Variants in MGAT4C observed in about 807,000 individuals in gnomAD.
MGAT4C encodes the protein MGAT4 family member C.
A neutral mutation model predicts 40.1 loss-of-function variants in MGAT4C; 19 were observed. That is an observed-to-expected ratio of 0.47 (90% CI 0.33 to 0.70). MGAT4C has a LOEUF of 0.70. Among genes scored for constraint, MGAT4C ranks in the 30% least tolerant of loss-of-function variants. The probability of loss-of-function intolerance (pLI) is 0.02; values close to 1 mark genes in which losing one functional copy is unlikely to be tolerated. For synonymous variants in MGAT4C, 181 were observed against 187.1 expected (o/e 0.97, Z 0.27); for missense variants, 491 against 563.2 (o/e 0.87, Z 1.30).
chr12:86,827,591 T>A (rs1026894506), intron 1 of MGAT4C, among the ~76,000 whole-genome samples: 7 of 151,188 alleles, frequency 4.6e-5, no homozygotes, highest in African/African-American at 1.7e-4. Flanking sequence ...ACAATGACAC[T>A]TAGAGAAATG....
At chr12:86,314,945 C>G (rs1219371278) in intron 4 of MGAT4C, among the ~76,000 whole-genome samples, 1 of 151,838 alleles carries the variant, frequency 6.6e-6, no homozygotes, top group African/African-American at 2.4e-5. Context: ...AGACACAACA[C>G]TATACCCATC....
At chr12:86,409,411 C>A (rs952677795) in intron 3 of MGAT4C, among the ~76,000 whole-genome samples, 6 of 152,008 alleles carry the variant, frequency 3.9e-5, no homozygotes, top group African/African-American at 1.4e-4. Flanking sequence ...ATATTAAAAA[C>A]AAACAATCAA....
At chr12:86,503,497 CATAT>C (rs1209943586) in intron 2 of MGAT4C, among the ~76,000 whole-genome samples, 1 of 5,782 alleles carries the variant, frequency 1.7e-4, no homozygotes, top group African/African-American at 1.4e-3. Context: ...GAGTTCTGCT[CATAT>C]ATATATATAT....
intron 1 of MGAT4C, among the ~76,000 whole-genome samples, chr12:86,751,954 T>C (rs1936007427): frequency 6.6e-6 from 1 of 151,966 alleles, no homozygotes; most frequent in South Asian, 2.1e-4. Flanking sequence ...AACCATATAT[T>C]CAATAACATG....
chr12:86,231,367 C>T (rs1285999364), intron 1 of MGAT4C, among the ~76,000 whole-genome samples: 1 of 152,100 alleles, frequency 6.6e-6, no homozygotes, highest in Non-Finnish European at 1.5e-5. Context: ...AAAACCCCTA[C>T]TTATTATATT....
chr12:86,406,154 T>C (rs1175117826), intron 3 of MGAT4C, among the ~76,000 whole-genome samples: 9 of 149,984 alleles, frequency 6.0e-5, no homozygotes, highest in Non-Finnish European at 8.9e-5. Context: ...ATGTAAAATA[T>C]AAAGCATAAG....
intron 2 of MGAT4C, among the ~76,000 whole-genome samples, chr12:86,600,708 G>A (rs1339520982): frequency 6.6e-6 from 1 of 152,222 alleles, no homozygotes; most frequent in African/African-American, 2.4e-5. Context: ...TGCGCACTCT[G>A]CGGAGCCAGT....
At chr12:86,773,942 CTTCTTTTTTTTTTT>C (rs1951683276) in intron 1 of MGAT4C, among the ~76,000 whole-genome samples, 1 of 106,520 alleles carries the variant, frequency 9.4e-6, no homozygotes, top group Admixed American at 1.1e-4. Context: ...TTTAAAGTAA[CTTCTTTTTTTTTTT>C]TTTTTTTTTT....
At chr12:86,455,699 G>A (rs908291157) in intron 2 of MGAT4C, among the ~76,000 whole-genome samples, 3 of 152,028 alleles carry the variant, frequency 2.0e-5, no homozygotes, top group Non-Finnish European at 2.9e-5. Flanking sequence ...TAGACAATAT[G>A]CAAGTAAAGT....
At chr12:86,456,852 TC>T (rs1957518818) in intron 2 of MGAT4C, among the ~76,000 whole-genome samples, 1 of 152,106 alleles carries the variant, frequency 6.6e-6, no homozygotes, top group African/African-American at 2.4e-5. Context: ...CTATCTTACA[TC>T]CTGTCAGGAA....
intron 2 of MGAT4C, among the ~76,000 whole-genome samples, chr12:86,599,368 T>C (rs1264736974): frequency 6.6e-6 from 1 of 152,202 alleles, no homozygotes; most frequent in African/African-American, 2.4e-5. Flanking sequence ...AATATTACAA[T>C]TTAACTTCTA....
chr12:86,588,972 C>G (rs553331383), intron 2 of MGAT4C, among the ~76,000 whole-genome samples: 1 of 150,858 alleles, frequency 6.6e-6, no homozygotes, highest in African/African-American at 2.4e-5. Flanking sequence ...AATTGACACC[C>G]TAACGTCACA....
chr12:86,099,876 G>A (rs1215703474), intron 1 of MGAT4C, among the ~76,000 whole-genome samples: 2 of 151,238 alleles, frequency 1.3e-5, no homozygotes, highest in Admixed American at 6.6e-5. Flanking sequence ...GTTAGTTAAT[G>A]TTTTAGATGT....
At chr12:86,570,768 GT>G (rs752206359) in intron 2 of MGAT4C, among the ~76,000 whole-genome samples, 1 of 151,936 alleles carries the variant, frequency 6.6e-6, no homozygotes, top group Non-Finnish European at 1.5e-5. Context: ...AATTATAGCC[GT>G]GTCCATCTAT....
intron 4 of MGAT4C, among the ~76,000 whole-genome samples, chr12:86,294,650 T>C (rs1376614843): frequency 6.6e-6 from 1 of 152,224 alleles, no homozygotes; most frequent in African/African-American, 2.4e-5. Flanking sequence ...GTAAAGTTTT[T>C]ATCTCTGGTT....
chr12:86,088,167 C>A (rs1327903244), intron 1 of MGAT4C, among the ~76,000 whole-genome samples: 3 of 152,010 alleles, frequency 2.0e-5, no homozygotes, highest in Non-Finnish European at 4.4e-5. Context: ...ACTGGCTAGC[C>A]ACATGTAGAA....
At chr12:86,764,017 G>A (rs1292548627) in intron 1 of MGAT4C, among the ~76,000 whole-genome samples, 14 of 152,082 alleles carry the variant, frequency 9.2e-5, no homozygotes, top group African/African-American at 3.1e-4. Context: ...TTGGTGCGGG[G>A]CAGTGGGTGG....
chr12:86,337,622 T>C (rs73385293), intron 3 of MGAT4C, among the ~76,000 whole-genome samples: 13,326 of 150,802 alleles, frequency 0.088, 1,466 homozygotes, highest in African/African-American at 0.25. Context: ...GAAGTGAATG[T>C]TATAATTCAG....
At chr12:86,289,349 G>C (rs550010851) in intron 4 of MGAT4C, among the ~76,000 whole-genome samples, 4 of 151,910 alleles carry the variant, frequency 2.6e-5, no homozygotes, top group Non-Finnish European at 5.9e-5. Flanking sequence ...TGGATGCCTC[G>C]GGCTGTGTTC....
Sources: allele counts gnomAD v4.1 joint callset (sites outside exome capture counted in the v4.1 genomes callset), GRCh38; gene constraint gnomAD v4.1.1; transcripts MANE v1.5; gene names NCBI Gene and HGNC (gene_info 2026-07-23, HGNC 2026-07-21).